P3H2: variants seen among roughly 807,000 people sequenced by gnomAD.
P3H2 encodes leprecan-like 1.
P3H2 carries 80 observed loss-of-function variants against 87.0 expected under a neutral mutation model. The observed-to-expected ratio is 0.92, with a 90% confidence interval of 0.77 to 1.11. The LOEUF is 1.11. Ranked by LOEUF, P3H2 falls within the 50% of genes least tolerant of loss-of-function variation. The pLI is 0.00. For missense variants in P3H2, 1,001 were observed against 923.9 expected, an observed-to-expected ratio of 1.08 and a Z score of -1.08; for synonymous variants, 367 against 359.3, an observed-to-expected ratio of 1.02 and a Z score of -0.24.
intron 1 of P3H2, among the ~76,000 whole-genome samples, chr3:190,113,773 T>C (rs1053163949): frequency 2.0e-5 from 3 of 152,160 alleles, no homozygotes; most frequent in Non-Finnish European, 4.4e-5. Flanking sequence ...GGCAGCAGTT[T>C]ATTAATTTCC....
intron 2 of P3H2, among the ~76,000 whole-genome samples, chr3:189,994,701 T>C (rs545819349): frequency 2.3e-4 from 34 of 150,934 alleles, no homozygotes; most frequent in Non-Finnish European, 4.3e-4. Context: ...TCTTTCCTTA[T>C]CCTTTTCTGT....
chr3:190,074,903 T>C (rs996206247), intron 1 of P3H2, among the ~76,000 whole-genome samples: 1 of 152,210 alleles, frequency 6.6e-6, no homozygotes, highest in Non-Finnish European at 1.5e-5. Flanking sequence ...ATGTGTACAG[T>C]TCAGTCTACG....
intron 9 of P3H2, 84 bp downstream of exon 9, chr3:189,974,474 G>A (rs1333562988): frequency 2.6e-6 from 4 of 1,562,748 alleles, no homozygotes; most frequent in Non-Finnish European, 8.8e-7. Context: ...TTGTTGTCTG[G>A]CTCCAGATGA....
At chr3:190,060,246 T>C (rs1447530889) in intron 1 of P3H2, among the ~76,000 whole-genome samples, 2 of 152,036 alleles carry the variant, frequency 1.3e-5, no homozygotes, top group South Asian at 2.1e-4. Flanking sequence ...CACAGAAAAA[T>C]ACAACATTTG....
chr3:190,051,236 A>T (rs1332246939), intron 1 of P3H2, among the ~76,000 whole-genome samples: 1 of 152,240 alleles, frequency 6.6e-6, no homozygotes, highest in Non-Finnish European at 1.5e-5. Context: ...ATGAGAAAAG[A>T]GTGAAGAGGC....
intron 8 of P3H2, among the ~76,000 whole-genome samples, 173 bp downstream of exon 8, chr3:189,982,873 A>G (rs1723579118): frequency 6.6e-6 from 1 of 152,020 alleles, no homozygotes; most frequent in South Asian, 2.1e-4. Context: ...TAATACACAA[A>G]TCTAAGACTT....
chr3:189,959,860 ATGTGTGTGTGTGTGTGTGTG>A (rs75204350), intron 14 of P3H2, among the ~76,000 whole-genome samples: 100 of 134,864 alleles, frequency 7.4e-4, no homozygotes, highest in South Asian at 4.2e-3. Flanking sequence ...TGGAGGAGAT[ATGTGTGTGTGTGTGTGTGTG>A]TGTGTGTGTG....
rs192929405 is a variant in P3H2, at chr3:190,045,566, G to A, written c.481-50124C>T. On this transcript the variant is annotated intron_variant, in intron 1 of 14. Coordinates refer to ENST00000319332, the MANE Select transcript of P3H2 (RefSeq NM_018192.4). ...CAGAACAAGAACCAGCTACAGAGCTGTGATGTGTCAACTTAACTAGACTAC... is the reference window on the plus strand; with the variant it reads ...CAGAACAAGAACCAGCTACAGAGCTATGATGTGTCAACTTAACTAGACTAC... Among the ~76,000 whole-genome samples the A allele has an allele frequency of 2.1e-3, 320 of 152,298 alleles. 1 individual carries two copies. The highest frequency in any genetic ancestry group is 7.5e-3 in the African/African-American group (310 of 41,552).
intron 8 of P3H2, among the ~76,000 whole-genome samples, chr3:189,978,732 C>A (rs1229718208): frequency 6.6e-6 from 1 of 151,302 alleles, no homozygotes; most frequent in African/African-American, 2.4e-5. Context: ...ATTCAACAGG[C>A]AAGTCAACCA....
chr3:190,012,132 C>T (rs1724608516), intron 1 of P3H2, among the ~76,000 whole-genome samples: 1 of 151,382 alleles, frequency 6.6e-6, no homozygotes, highest in Middle Eastern at 3.2e-3. Context: ...AATTATGCCA[C>T]CAGTCAATTT....
intron 1 of P3H2, among the ~76,000 whole-genome samples, chr3:190,003,505 A>AC (rs1357088501): frequency 2.0e-5 from 3 of 152,158 alleles, no homozygotes; most frequent in Non-Finnish European, 2.9e-5. Context: ...TAAAAAAAAA[A>AC]AAAAAACTAT....
chr3:190,112,154 T>C (rs1170044742), intron 1 of P3H2, among the ~76,000 whole-genome samples: 1 of 152,082 alleles, frequency 6.6e-6, no homozygotes, highest in Non-Finnish European at 1.5e-5. Context: ...TTACAACTAG[T>C]GGTCAATGGC....
rs1212459162 is a variant in P3H2, at chr3:189,973,901, GACTTT to G, written c.1548+3_1548+7del. Reference sequence around the variant, plus strand: ...GGAACTCAAACCCAAAAGAAGTTAAGACTTTACTTTGAGTGCTTTCAGGACAGTTG... The same window carrying G: ...GGAACTCAAACCCAAAAGAAGTTAAGACTTTGAGTGCTTTCAGGACAGTTG... On this transcript the variant is annotated splice_donor_5th_base_variant and intron_variant, in intron 10 of 14. Coordinates refer to ENST00000319332, the MANE Select transcript of P3H2 (RefSeq NM_018192.4). 4.4e-6 allele frequency: 7 copies of G among 1,604,632 alleles called. No individual in the cohort carries two copies. Among genetic ancestry groups the G allele is most frequent in the Non-Finnish European group, 6.0e-6 (7 of 1,171,542 alleles).
chr3:190,018,240 T>A (rs534267296), intron 1 of P3H2, among the ~76,000 whole-genome samples: 73 of 152,308 alleles, frequency 4.8e-4, no homozygotes, highest in African/African-American at 1.6e-3. Flanking sequence ...TAATTCAATC[T>A]CTCTTGCATC....
intron 1 of P3H2, among the ~76,000 whole-genome samples, chr3:190,082,828 G>A (rs1215983797): frequency 6.6e-6 from 1 of 151,962 alleles, no homozygotes; most frequent in Non-Finnish European, 1.5e-5. Context: ...TTAATCAAGT[G>A]GGAAGAATAT....
In P3H2 at chr3:189,984,328, GAAAA is replaced by G. The variant is rs10532307; in HGVS notation, c.1229+218_1229+221del. 0.76 allele frequency among the ~76,000 whole-genome samples: 114,461 copies of G among 150,994 alleles called. 43,938 individuals are homozygous for G. Among genetic ancestry groups the G allele is most frequent in the East Asian group, 0.92 (4,705 of 5,118 alleles). ...ACCTGATTTAACCCTTTTTTTCCTG[GAAAA>G]AAAAAATGAGATCCAGAAAGCAGAA... On this transcript the variant is annotated intron_variant, in intron 7 of 14. Transcript: ENST00000319332.
chr3:189,999,334 T>G (rs1170593664), intron 1 of P3H2, among the ~76,000 whole-genome samples: 1 of 152,208 alleles, frequency 6.6e-6, no homozygotes, highest in African/African-American at 2.4e-5. Flanking sequence ...CTTCATGAAC[T>G]GGCCCTGGCT....
At chr3:190,031,420 C>T (rs1219974466) in intron 1 of P3H2, among the ~76,000 whole-genome samples, 1 of 120,646 alleles carries the variant, frequency 8.3e-6, no homozygotes, top group Non-Finnish European at 1.7e-5. Flanking sequence ...GGCTAATCAC[C>T]TGAGGTCAGG....
At chr3:190,055,019 T>C (rs1726105524) in intron 1 of P3H2, among the ~76,000 whole-genome samples, 2 of 152,180 alleles carry the variant, frequency 1.3e-5, no homozygotes, top group Non-Finnish European at 2.9e-5. Context: ...TTCCTTTTCC[T>C]TCCTTCAGCA....
Sources: gnomAD v4.1 joint callset for allele counts (sites outside exome capture counted in the v4.1 genomes callset) on GRCh38, gnomAD v4.1.1 for gene constraint, MANE v1.5 for transcripts, NCBI Gene and HGNC (gene_info 2026-07-23, HGNC 2026-07-21) for gene names.